The following AVEN variants were observed in gnomAD, a reference collection of about 807,000 sequenced individuals.
The protein encoded by AVEN is apoptosis and caspase activation inhibitor, also known as cell death regulator Aven.
In AVEN, 41 loss-of-function variants were observed where a neutral mutation model predicts 38.1. The ratio of observed to expected loss-of-function variants is 1.08; its 90% CI spans 0.84 to 1.40. AVEN has a LOEUF of 1.40. AVEN is among the 40% of genes most tolerant of loss of function. AVEN has a pLI of 0.00. For missense variants in AVEN, 605 were observed against 438.8 expected (o/e 1.38, Z -3.38); for synonymous variants, 206 against 171.8 (o/e 1.20, Z -1.56).
At chr15:33,931,099 T>A (rs1451715442) in intron 2 of AVEN, among the ~76,000 whole-genome samples, 1 of 152,140 alleles carries the variant, frequency 6.6e-6, no homozygotes, top group Non-Finnish European at 1.5e-5. Context: ...ACTTTTCTTT[T>A]GTCTTTTAGA....
At position 33,875,913 on chromosome 15, in the gene AVEN, CTCTTA is replaced by C; in HGVS notation, c.516+7_516+11del. The C allele has an allele frequency of 1.2e-6, 2 of 1,611,672 alleles. No individual in the cohort carries two copies. Among genetic ancestry groups the C allele is most frequent in the Non-Finnish European group, 1.7e-6 (2 of 1,177,992 alleles). On this transcript the variant is annotated splice_region_variant and intron_variant, in intron 3 of 5. Transcript: ENST00000306730. ...AAGAGCCAGTCCACACTTAACACAA[CTCTTA>C]TCTTACCTGTTTTGGACAAGAAGCT...
downstream of AVEN, among the ~76,000 whole-genome samples, chr15:33,863,542 G>C (rs1051727009): frequency 6.6e-6 from 1 of 152,168 alleles, no homozygotes; most frequent in African/African-American, 2.4e-5. Context: ...TGTGAGCTGA[G>C]AGTTCAGCCC....
intron 2 of AVEN, among the ~76,000 whole-genome samples, chr15:33,976,905 G>A (rs1244625211): frequency 6.6e-6 from 1 of 152,122 alleles, no homozygotes; most frequent in African/African-American, 2.4e-5. Flanking sequence ...CCAGCCTCCT[G>A]TGGTATAGTG....
intron 5 of AVEN, among the ~76,000 whole-genome samples, chr15:34,050,960 A>G (rs1398334644): frequency 6.6e-6 from 1 of 152,180 alleles, no homozygotes; most frequent in Non-Finnish European, 1.5e-5. Context: ...AAAATTAACA[A>G]TGATATTCAG....
chr15:33,933,105 T>C (rs569779750), intron 2 of AVEN, among the ~76,000 whole-genome samples: 17 of 152,316 alleles, frequency 1.1e-4, no homozygotes, highest in African/African-American at 3.6e-4. Context: ...ACAAACAGAA[T>C]ATACTAATCA....
intron 3 of AVEN, among the ~76,000 whole-genome samples, chr15:33,871,864 T>C (rs951694154): frequency 6.6e-6 from 1 of 152,128 alleles, no homozygotes; most frequent in African/African-American, 2.4e-5. Context: ...AAGAAGGCCT[T>C]AGATATAAAG....
chr15:34,009,867 T>TA (rs1897562882), intron 1 of AVEN, among the ~76,000 whole-genome samples: 2 of 152,262 alleles, frequency 1.3e-5, no homozygotes, highest in Admixed American at 1.3e-4. Context: ...CATGAACCTG[T>TA]AGTCCTAGCA....
At chr15:34,060,541 C>T (rs1281774589) in intron 5 of AVEN, among the ~76,000 whole-genome samples, 1 of 152,148 alleles carries the variant, frequency 6.6e-6, no homozygotes, top group African/African-American at 2.4e-5. Context: ...AGAAATACCC[C>T]ATTAAATAAA....
intron 2 of AVEN, among the ~76,000 whole-genome samples, chr15:33,922,201 G>T (rs550032): frequency 0.63 from 95,836 of 151,642 alleles, 31,173 homozygotes; most frequent in East Asian, 0.81. Context: ...GCAACCACTG[G>T]AGTACAAAGC....
At chr15:33,962,949 A>G (rs1314078279) in intron 2 of AVEN, among the ~76,000 whole-genome samples, 1 of 114,638 alleles carries the variant, frequency 8.7e-6, no homozygotes, top group African/African-American at 2.7e-5. Context: ...AAAAAAAAAA[A>G]AAAAAAAATT....
At chr15:33,961,771 C>T (rs1365643171) in intron 2 of AVEN, among the ~76,000 whole-genome samples, 3 of 136,944 alleles carry the variant, frequency 2.2e-5, no homozygotes, top group Non-Finnish European at 3.1e-5. Flanking sequence ...CGAGATCGCG[C>T]CACTGCACTC....
At chr15:34,040,078 C>A (rs773975887), upstream of AVEN, among the ~76,000 whole-genome samples, 8 of 152,164 alleles carry the variant, frequency 5.3e-5, no homozygotes, top group South Asian at 2.1e-4. Context: ...CTGGTTCTTT[C>A]CTATATCCAT....
chr15:34,024,122 T>G (rs1898331009), intron 1 of AVEN, among the ~76,000 whole-genome samples: 1 of 151,580 alleles, frequency 6.6e-6, no homozygotes, highest in South Asian at 2.1e-4. Context: ...AAATATCTAC[T>G]GAGAGCTGAT....
At chr15:33,856,987 T>G (rs2079744299), downstream of AVEN, among the ~76,000 whole-genome samples, 2 of 151,964 alleles carry the variant, frequency 1.3e-5, no homozygotes, top group Admixed American at 1.3e-4. Context: ...AGCATTAGAG[T>G]AGAAGCTACA....
intron 2 of AVEN, chr15:33,971,962 T>A (rs1895657376): frequency 6.6e-6 from 1 of 152,132 alleles, no homozygotes; most frequent in Admixed American, 6.5e-5. Context: ...CAGATGATTA[T>A]ATGCTTTCAG....
intron 2 of AVEN, among the ~76,000 whole-genome samples, chr15:33,948,371 A>T (rs1362371065): frequency 6.6e-6 from 1 of 152,174 alleles, no homozygotes; most frequent in Non-Finnish European, 1.5e-5. Context: ...CTGGGATTAC[A>T]GGCGTGAGCC....
chr15:33,912,466 G>C (rs1176185549), intron 2 of AVEN, among the ~76,000 whole-genome samples: 2 of 152,258 alleles, frequency 1.3e-5, no homozygotes, highest in Admixed American at 6.5e-5. Context: ...ATCTAAATGA[G>C]GTTCCTCATA....
chr15:33,936,858 G>A (rs989947638), intron 2 of AVEN, among the ~76,000 whole-genome samples: 4 of 152,226 alleles, frequency 2.6e-5, no homozygotes, highest in South Asian at 2.1e-4. Context: ...AGGGCCAGGC[G>A]CAGTGGCTCA....
chr15:34,058,410 C>T (rs1900229488), intron 5 of AVEN, among the ~76,000 whole-genome samples: 1 of 152,054 alleles, frequency 6.6e-6, no homozygotes, highest in Admixed American at 6.6e-5. Context: ...AATGGAGCCA[C>T]CCATACTAAA....
Sources: gnomAD v4.1 joint callset for allele counts (sites outside exome capture counted in the v4.1 genomes callset) on GRCh38, gnomAD v4.1.1 for gene constraint, MANE v1.5 for transcripts, NCBI Gene and HGNC (gene_info 2026-07-23, HGNC 2026-07-21) for gene names.